PLCL1: variants seen among roughly 807,000 people sequenced by gnomAD.
PLCL1 encodes the protein phospholipase C like 1 (inactive), also known as inactive phospholipase C-like protein 1.
In PLCL1, 41 loss-of-function variants were observed where a neutral mutation model predicts 84.4. That is an observed-to-expected ratio of 0.49 (90% CI 0.38 to 0.63). The LOEUF (loss-of-function observed/expected upper bound fraction) is 0.63, where lower values mean the gene tolerates loss of function less well. PLCL1 is among the 30% of genes least tolerant of loss of function. PLCL1 has a pLI of 0.00. For synonymous variants in PLCL1, 490 were observed against 488.3 expected (o/e 1.00, Z -0.05); for missense variants, 1,206 against 1,367.8 (o/e 0.88, Z 1.87).
intron 1 of PLCL1, among the ~76,000 whole-genome samples, chr2:197,887,901 C>T (rs531802891): frequency 1.3e-5 from 2 of 151,924 alleles, no homozygotes; most frequent in African/African-American, 2.4e-5. Context: ...CTCAGGAGTT[C>T]GAGACCAGCC....
At chr2:198,087,865 T>C (rs1169563935) in intron 2 of PLCL1, among the ~76,000 whole-genome samples, 1 of 152,282 alleles carries the variant, frequency 6.6e-6, no homozygotes, top group African/African-American at 2.4e-5. Flanking sequence ...GATTGCCTAA[T>C]ACCAAAATCC....
chr2:198,142,382 AATCAAAATTGTGGTGATAT>A (rs1293631349), intron 5 of PLCL1, among the ~76,000 whole-genome samples: 1 of 152,142 alleles, frequency 6.6e-6, no homozygotes, highest in Non-Finnish European at 1.5e-5. Context: ...TATTAGTAGT[AATCAAAATTGTGGTGATAT>A]ATCACCACAG....
At chr2:198,017,191 A>G (rs1235271255) in intron 1 of PLCL1, among the ~76,000 whole-genome samples, 2 of 152,228 alleles carry the variant, frequency 1.3e-5, no homozygotes, top group African/African-American at 4.8e-5. Context: ...ACATGCTCCA[A>G]AAACACAACA....
At chr2:198,090,665 T>C (rs1693003748) in intron 3 of PLCL1, among the ~76,000 whole-genome samples, 1 of 152,206 alleles carries the variant, frequency 6.6e-6, no homozygotes, top group Admixed American at 6.6e-5. Context: ...AATCAACTTT[T>C]TCATCATAAA....
intron 1 of PLCL1, among the ~76,000 whole-genome samples, chr2:197,918,243 A>G (rs1244876790): frequency 6.6e-6 from 1 of 152,200 alleles, no homozygotes; most frequent in Non-Finnish European, 1.5e-5. Context: ...ATGTTATATA[A>G]TACTTGACCA....
intron 1 of PLCL1, among the ~76,000 whole-genome samples, chr2:197,869,381 T>C (rs1687606069): frequency 6.6e-6 from 1 of 152,192 alleles, no homozygotes; most frequent in Admixed American, 6.5e-5. Context: ...TTTTCTTTTT[T>C]TTTTGCCTAA....
At chr2:198,133,622 A>G (rs539786384) in intron 5 of PLCL1, among the ~76,000 whole-genome samples, 1 of 152,150 alleles carries the variant, frequency 6.6e-6, no homozygotes, top group Admixed American at 6.5e-5. Flanking sequence ...AAATGTTTTG[A>G]CAAGTGCATG....
intron 3 of PLCL1, among the ~76,000 whole-genome samples, chr2:198,095,919 AC>A (rs1693179604): frequency 6.6e-6 from 1 of 152,234 alleles, no homozygotes; most frequent in Admixed American, 6.5e-5. Flanking sequence ...AGAACGAATG[AC>A]AGTTCTGTAA....
intron 1 of PLCL1, among the ~76,000 whole-genome samples, chr2:198,051,182 G>A (rs1691920220): frequency 6.6e-6 from 1 of 152,086 alleles, no homozygotes; most frequent in African/African-American, 2.4e-5. Context: ...TGGATAACAA[G>A]AGGAACAAAT....
At chr2:197,885,109 A>C (rs2105718951) in intron 1 of PLCL1, among the ~76,000 whole-genome samples, 1 of 152,272 alleles carries the variant, frequency 6.6e-6, no homozygotes, top group African/African-American at 2.4e-5. Flanking sequence ...ACTACCTCAG[A>C]CTTTTGCTCT....
intron 5 of PLCL1, among the ~76,000 whole-genome samples, chr2:198,134,868 C>G (rs752909098): frequency 2.6e-5 from 4 of 152,142 alleles, no homozygotes. Context: ...GTGATCAGTT[C>G]ACTCTATGGT....
intron 3 of PLCL1, among the ~76,000 whole-genome samples, chr2:198,098,942 T>G (rs1216166842): frequency 6.6e-6 from 1 of 152,170 alleles, no homozygotes; most frequent in Non-Finnish European, 1.5e-5. Flanking sequence ...TGGATACATC[T>G]AATGCATAAA....
At chr2:198,124,616 A>G (rs546264179) in intron 5 of PLCL1, among the ~76,000 whole-genome samples, 1 of 152,192 alleles carries the variant, frequency 6.6e-6, no homozygotes, top group South Asian at 2.1e-4. Flanking sequence ...TTTTCATTCA[A>G]AAAACACAAA....
intron 1 of PLCL1, among the ~76,000 whole-genome samples, chr2:198,018,652 A>G (rs1036049119): frequency 1.3e-5 from 2 of 152,176 alleles, no homozygotes; most frequent in African/African-American, 4.8e-5. Flanking sequence ...CAGTGCCACA[A>G]AGCCACTGTA....
intron 1 of PLCL1, among the ~76,000 whole-genome samples, chr2:197,893,796 C>G (rs537455890): frequency 1.3e-5 from 2 of 152,036 alleles, no homozygotes; most frequent in East Asian, 3.9e-4. Flanking sequence ...CAACAGAAGG[C>G]TTGACTTAGA....
In PLCL1 at chr2:198,047,461, C is replaced by CA. The variant is rs1294437186; in HGVS notation, c.241-36296dup. Among the ~76,000 whole-genome samples the CA allele has an allele frequency of 5.9e-5, 9 of 152,102 alleles. No homozygotes were observed. In the East Asian group the frequency reaches 1.7e-3, roughly 29 times the overall value. On this transcript the variant is annotated intron_variant, in intron 1 of 5. Transcript: ENST00000428675. ...CCTTTCAAAGTGCTAGGAATATAGG[C>CA]ATGAGCCACCACGCCCAGCCAAAAG...
At chr2:197,932,526 C>G (rs186522310) in intron 1 of PLCL1, among the ~76,000 whole-genome samples, 1 of 152,238 alleles carries the variant, frequency 6.6e-6, no homozygotes, top group East Asian at 1.9e-4. Flanking sequence ...CCCCTACCCC[C>G]CAAACCCAGC....
At chr2:197,949,335 C>A (rs1689345223) in intron 1 of PLCL1, among the ~76,000 whole-genome samples, 1 of 152,082 alleles carries the variant, frequency 6.6e-6, no homozygotes, top group Non-Finnish European at 1.5e-5. Context: ...GGAATCTCTC[C>A]CTAGTCCAGG....
chr2:197,954,289 A>G (rs1383256007), intron 1 of PLCL1, among the ~76,000 whole-genome samples: 2 of 152,258 alleles, frequency 1.3e-5, no homozygotes, highest in East Asian at 1.9e-4. Context: ...GAATTCTCAA[A>G]TGCCAAATAA....
Sources: gnomAD v4.1 joint callset for allele counts (sites outside exome capture counted in the v4.1 genomes callset) on GRCh38, gnomAD v4.1.1 for gene constraint, MANE v1.5 for transcripts, NCBI Gene and HGNC (gene_info 2026-07-23, HGNC 2026-07-21) for gene names.